The following SEMA5A variants were observed in gnomAD, a reference collection of about 807,000 sequenced individuals.
SEMA5A encodes the protein semaphorin 5A, also known as semaphorin-5A.
A neutral mutation model predicts 135.5 loss-of-function variants in SEMA5A; 55 were observed. That is an observed-to-expected ratio of 0.41 (90% confidence interval 0.33 to 0.51). The LOEUF (loss-of-function observed/expected upper bound fraction) is 0.51. Among genes scored for constraint, SEMA5A ranks in the 20% least tolerant of loss-of-function variants. SEMA5A has a pLI of 0.37. For missense variants in SEMA5A, 1,290 were observed against 1,419.9 expected, an observed-to-expected ratio of 0.91 and a Z score of 1.47; for synonymous variants, 580 against 546.5, an observed-to-expected ratio of 1.06 and a Z score of -0.85.
Position 9,051,924 on chromosome 5 carries a change from C to G in SEMA5A, c.2794G>C (p.Gly932Arg). The change falls in exon 20 of 23, where the codon GGG (glycine) becomes CGG (arginine). Residue 932 changes from glycine to arginine, a missense_variant. This residue lies in a region of SEMA5A where 1,029 missense variants were observed against 1,086.6 expected (regional missense o/e 0.95). Coordinates refer to ENST00000382496, the MANE Select transcript of SEMA5A (RefSeq NM_003966.3). ...LLFPMGSQCS[G>R]NTTESRPCVF... ...CACGGCCGGCTCTCCGTGGTGTTCC[C>G]GGAGCACTGGCTGCCCATGGGGAAC... 6.2e-7 allele frequency: 1 copy of G among 1,614,148 alleles called. No individual in the cohort carries two copies. Among genetic ancestry groups the G allele is most frequent in the Non-Finnish European group, 8.5e-7 (1 of 1,180,030 alleles).
intron 21 of SEMA5A, among the ~76,000 whole-genome samples, chr5:9,046,863 T>C (rs1264643982): frequency 6.6e-6 from 1 of 152,216 alleles, no homozygotes; most frequent in African/African-American, 2.4e-5. Context: ...TCCTGACCAC[T>C]GAAGTGCCAG....
intron 1 of SEMA5A, among the ~76,000 whole-genome samples, chr5:9,447,214 C>T (rs571957249): frequency 7.2e-5 from 11 of 152,310 alleles, no homozygotes; most frequent in African/African-American, 2.6e-4. Flanking sequence ...TTAGTATAAA[C>T]CCGTGCAAGC....
At chr5:9,351,703 C>A (rs1217538096) in intron 3 of SEMA5A, among the ~76,000 whole-genome samples, 1 of 152,192 alleles carries the variant, frequency 6.6e-6, no homozygotes, top group African/African-American at 2.4e-5. Flanking sequence ...TCAGATCCCA[C>A]ATCATGAGTG....
At chr5:9,096,622 A>G (rs192506289) in intron 16 of SEMA5A, among the ~76,000 whole-genome samples, 185 of 151,178 alleles carry the variant, frequency 1.2e-3, no homozygotes, top group Non-Finnish European at 2.1e-3. Flanking sequence ...CCATTCATCT[A>G]TTGATGGACA....
At chr5:9,350,553 T>G (rs574302047) in intron 3 of SEMA5A, among the ~76,000 whole-genome samples, 2 of 152,356 alleles carry the variant, frequency 1.3e-5, no homozygotes, top group East Asian at 3.9e-4. Flanking sequence ...CCAGGCTGCA[T>G]CTGGTTGACT....
intron 11 of SEMA5A, among the ~76,000 whole-genome samples, chr5:9,171,105 T>C (rs1268224018): frequency 6.6e-6 from 1 of 152,216 alleles, no homozygotes; most frequent in Non-Finnish European, 1.5e-5. Context: ...AAAAGATGCC[T>C]ACACCTCCAT....
At chr5:9,412,693 A>G (rs115051461) in intron 2 of SEMA5A, among the ~76,000 whole-genome samples, 2,243 of 151,756 alleles carry the variant, frequency 0.015, 26 homozygotes, top group South Asian at 0.03. Context: ...TTATGTTTAA[A>G]TACACCTTAT....
chr5:9,387,238 G>A (rs905565664), intron 2 of SEMA5A, among the ~76,000 whole-genome samples: 7 of 152,164 alleles, frequency 4.6e-5, no homozygotes, highest in African/African-American at 1.7e-4. Flanking sequence ...TGTCTCTAGT[G>A]AATATAATCA....
intron 1 of SEMA5A, among the ~76,000 whole-genome samples, chr5:9,455,148 T>C (rs1758782526): frequency 6.6e-6 from 1 of 152,324 alleles, no homozygotes; most frequent in East Asian, 1.9e-4. Flanking sequence ...CCTGACCCTG[T>C]CCCTGTCCCT....
intron 7 of SEMA5A, among the ~76,000 whole-genome samples, chr5:9,225,710 CT>C (rs796464053): frequency 5.9e-5 from 9 of 151,754 alleles, no homozygotes; most frequent in Non-Finnish European, 1.0e-4. Context: ...CACTTTCTTT[CT>C]TTTTTTTCAG....
At chr5:9,395,724 C>T (rs1756365205) in intron 2 of SEMA5A, among the ~76,000 whole-genome samples, 1 of 152,192 alleles carries the variant, frequency 6.6e-6, no homozygotes, top group African/African-American at 2.4e-5. Context: ...AAGTAGCACA[C>T]ATGTTTTTCT....
intron 1 of SEMA5A, among the ~76,000 whole-genome samples, chr5:9,489,158 C>A (rs971952532): frequency 6.6e-6 from 1 of 152,180 alleles, no homozygotes; most frequent in Non-Finnish European, 1.5e-5. Flanking sequence ...AAGCATCCTT[C>A]AGCAGCTTTG....
intron 2 of SEMA5A, among the ~76,000 whole-genome samples, chr5:9,430,781 T>C (rs1185042382): frequency 1.3e-5 from 2 of 151,794 alleles, no homozygotes; most frequent in African/African-American, 2.4e-5. Context: ...CAAAATAAAA[T>C]AAAAAGGCAG....
intron 2 of SEMA5A, among the ~76,000 whole-genome samples, chr5:9,423,891 A>G: frequency 6.6e-6 from 1 of 152,324 alleles, no homozygotes; most frequent in East Asian, 1.9e-4. Flanking sequence ...TGGAACTGAC[A>G]CTGAAAATGT....
intron 1 of SEMA5A, among the ~76,000 whole-genome samples, chr5:9,465,898 C>G (rs1012596077): frequency 3.3e-5 from 5 of 152,180 alleles, no homozygotes; most frequent in African/African-American, 1.2e-4. Context: ...TCCCCAAACA[C>G]AAAGACGAGC....
rs1347428603 is a variant in SEMA5A at position 9,379,833 on chromosome 5, G to T, written c.114C>A (p.Ile38=). The change falls in exon 3 of 23, where the codon ATC becomes ATA. Residue 38 remains isoleucine, a synonymous_variant. Transcript: ENST00000382496. ...TQCQRTEHPV[I]SYKEIGPWLR... ...GTGCTGGTTCCTTACCTTTATAGGA[G>T]ATGACTGGATGCTCGGTTCTCTGGC... The T allele has an allele frequency of 1.2e-6, 2 of 1,613,862 alleles. No homozygotes were observed. The highest frequency in any genetic ancestry group is 1.7e-6 in the Non-Finnish European group (2 of 1,179,976).
intron 5 of SEMA5A, among the ~76,000 whole-genome samples, chr5:9,244,486 C>T (rs1748379271): frequency 6.6e-6 from 1 of 152,214 alleles, no homozygotes; most frequent in Non-Finnish European, 1.5e-5. Flanking sequence ...GTGCCTCCTA[C>T]ATACCTTTGT....
At chr5:9,118,909 A>T in intron 15 of SEMA5A, 89 bp downstream of exon 15, 2 of 1,506,824 alleles carry the variant, frequency 1.3e-6, no homozygotes, top group Admixed American at 2.1e-5. Flanking sequence ...GCTTAGGCAG[A>T]TCCAAAACTA....
chr5:9,345,622 T>A (rs1198525839), intron 3 of SEMA5A, among the ~76,000 whole-genome samples: 2 of 151,908 alleles, frequency 1.3e-5, no homozygotes, highest in Non-Finnish European at 2.9e-5. Flanking sequence ...CAAAATTATA[T>A]GTATCTATAG....
Sources: gnomAD v4.1 joint callset for allele counts (sites outside exome capture counted in the v4.1 genomes callset) on GRCh38, gnomAD v4.1.1 for gene constraint, gnomAD v4.1.1 regional missense constraint, MANE v1.5 for transcripts, NCBI Gene and HGNC (gene_info 2026-07-23, HGNC 2026-07-21) for gene names.